The following PDE10A variants were observed in gnomAD, a reference collection of about 807,000 sequenced individuals.
PDE10A encodes the protein cAMP and cAMP-inhibited cGMP 3',5'-cyclic phosphodiesterase 10A.
In PDE10A, 39 loss-of-function variants were observed where a neutral mutation model predicts 97.7. The observed-to-expected ratio is 0.40, with a 90% CI of 0.31 to 0.52. The LOEUF is 0.52. Ranked by LOEUF, PDE10A falls within the 20% of genes least tolerant of loss-of-function variation. The pLI is 0.56. For missense variants in PDE10A, 731 were observed against 1,047.8 expected, an observed-to-expected ratio of 0.70 and a Z score of 4.17; for synonymous variants, 371 against 376.8, an observed-to-expected ratio of 0.98 and a Z score of 0.18.
intron 14 of PDE10A, 111 bp downstream of exon 14, chr6:165,396,206 A>G: frequency 2.1e-6 from 2 of 931,714 alleles, no homozygotes; most frequent in Non-Finnish European, 3.2e-6. Flanking sequence ...ATGAAACTCC[A>G]CATGTAATAT....
chr6:165,721,037 C>T (rs548937886), intron 1 of PDE10A, among the ~76,000 whole-genome samples: 8 of 152,294 alleles, frequency 5.3e-5, no homozygotes, highest in African/African-American at 1.9e-4. Flanking sequence ...AAGAATGTTA[C>T]ACGGAACAGT....
At chr6:165,750,890 C>T (rs1240958119) in intron 1 of PDE10A, among the ~76,000 whole-genome samples, 1 of 152,208 alleles carries the variant, frequency 6.6e-6, no homozygotes, top group Non-Finnish European at 1.5e-5. Context: ...TCAGGACACA[C>T]AGCATGTCTG....
At chr6:165,915,113 T>G (rs1341393822) in intron 1 of PDE10A, among the ~76,000 whole-genome samples, 7 of 152,156 alleles carry the variant, frequency 4.6e-5, no homozygotes, top group Non-Finnish European at 1.5e-5. Flanking sequence ...CTTGCAAATG[T>G]GCAATTAGAG....
At chr6:165,409,164 CAAAAAAA>C (rs61455081) in intron 13 of PDE10A, among the ~76,000 whole-genome samples, 5 of 108,138 alleles carry the variant, frequency 4.6e-5, no homozygotes, top group African/African-American at 7.2e-5. Flanking sequence ...GACTCCATCT[CAAAAAAA>C]AAAAAAAAAA....
intron 1 of PDE10A, among the ~76,000 whole-genome samples, chr6:165,619,470 T>TACTGTAGTGTAGTGCAGTGGTCTAGTGC (rs1787980398): frequency 7.7e-6 from 1 of 129,208 alleles, no homozygotes. Flanking sequence ...TAGTCTAGTG[T>TACTGTAGTGTAGTGCAGTGGTCTAGTGC]AGTGTAGTCT....
chr6:165,922,053 A>C (rs1205242545), intron 1 of PDE10A, among the ~76,000 whole-genome samples: 1 of 152,180 alleles, frequency 6.6e-6, no homozygotes, highest in Non-Finnish European at 1.5e-5. Context: ...TTCTAGACAT[A>C]TCTTGAAGAT....
intron 1 of PDE10A, among the ~76,000 whole-genome samples, chr6:165,709,245 C>T (rs539772307): frequency 1.4e-5 from 2 of 139,332 alleles, no homozygotes; most frequent in South Asian, 2.5e-4. Flanking sequence ...CCCGTGCTCT[C>T]TCCCCACTCT....
chr6:165,495,716 T>C (rs941020343), intron 2 of PDE10A, among the ~76,000 whole-genome samples: 3 of 152,162 alleles, frequency 2.0e-5, no homozygotes, highest in African/African-American at 4.8e-5. Flanking sequence ...ATCTACAATA[T>C]ATAAGACTCT....
chr6:165,578,558 A>G (rs1042988931), intron 1 of PDE10A, among the ~76,000 whole-genome samples: 2 of 152,104 alleles, frequency 1.3e-5, no homozygotes, highest in African/African-American at 4.8e-5. Flanking sequence ...GGCCCCAAAC[A>G]ACCTTCATCT....
chr6:165,933,036 C>A (rs1783191177), intron 1 of PDE10A, among the ~76,000 whole-genome samples: 2 of 152,130 alleles, frequency 1.3e-5, no homozygotes, highest in South Asian at 2.1e-4. Context: ...GGGAGGCTAC[C>A]AGAGATGACA....
chr6:165,688,128 A>G (rs1009623099), intron 1 of PDE10A, among the ~76,000 whole-genome samples: 3 of 152,226 alleles, frequency 2.0e-5, no homozygotes, highest in Non-Finnish European at 4.4e-5. Context: ...TTCCTATGGT[A>G]AAAGGGAGAA....
intron 2 of PDE10A, among the ~76,000 whole-genome samples, chr6:165,483,647 T>G (rs1779730781): frequency 6.6e-6 from 1 of 152,238 alleles, no homozygotes; most frequent in Admixed American, 6.5e-5. Context: ...AAATATTTAA[T>G]GAGAATGTTT....
chr6:165,475,137 T>C (rs761161130), intron 3 of PDE10A, among the ~76,000 whole-genome samples: 34 of 152,044 alleles, frequency 2.2e-4, no homozygotes, highest in Non-Finnish European at 3.7e-4. Context: ...ATTCTCAAAC[T>C]CCTCTGAAAG....
chr6:165,514,959 C>T lies in PDE10A; in HGVS notation c.994+28481G>A, dbSNP rs1413747827. ...TGGGGAGAGGATTTCCTGTTGTCTC[C>T]TCTTAGCTTTAGCTAGAAATCCTTT... On this transcript the variant is annotated intron_variant, in intron 2 of 21. Coordinates refer to ENST00000539869, the MANE Select transcript of PDE10A (RefSeq NM_001385079.1). Among the ~76,000 whole-genome samples, 56 of 152,142 alleles carry T rather than the reference C, an allele frequency of 3.7e-4. 2 individuals are homozygous for T. The highest frequency in any genetic ancestry group is 1.5e-4 in the Non-Finnish European group (10 of 68,032).
chr6:165,981,530 G>T (rs1290985013), intron 1 of PDE10A, among the ~76,000 whole-genome samples: 1 of 152,150 alleles, frequency 6.6e-6, no homozygotes, highest in Non-Finnish European at 1.5e-5. Context: ...AAAGGCAGGG[G>T]CAGGTCCAAA....
At chr6:165,408,685 T>C (rs1175483151) in intron 13 of PDE10A, among the ~76,000 whole-genome samples, 1 of 152,150 alleles carries the variant, frequency 6.6e-6, no homozygotes, top group East Asian at 1.9e-4. Flanking sequence ...CTGGTCTTTC[T>C]GAATTGGAAC....
At chr6:165,347,864 AAC>A (rs879357709) in intron 18 of PDE10A, among the ~76,000 whole-genome samples, 1 of 152,238 alleles carries the variant, frequency 6.6e-6, no homozygotes, top group Non-Finnish European at 1.5e-5. Context: ...AAAAACAGGT[AAC>A]ACATCACATA....
intron 1 of PDE10A, among the ~76,000 whole-genome samples, chr6:165,565,002 T>C (rs1784706169): frequency 6.6e-6 from 1 of 152,094 alleles, no homozygotes; most frequent in Non-Finnish European, 1.5e-5. Context: ...AAAGATGCAA[T>C]TTAGATACAA....
At position 165,335,134 on chromosome 6, in the gene PDE10A, T is replaced by C. The variant is rs545825148; in HGVS notation, c.3065+989A>G. On this transcript the variant is annotated intron_variant, in intron 21 of 21. Coordinates refer to ENST00000539869, the MANE Select transcript of PDE10A (RefSeq NM_001385079.1). The stretch of plus-strand genomic sequence containing the variant: ...ATTTATAAAGTAAAATGAAAATCTT[T>C]AAAAATATCCAAGGTTCTTAACCGA... Among the ~76,000 whole-genome samples, 14 of 152,330 alleles carry C rather than the reference T, an allele frequency of 9.2e-5. No individual in the cohort carries two copies. In the East Asian group the frequency reaches 2.7e-3, roughly 29 times the overall value.
Sources: gnomAD v4.1 joint callset for allele counts (sites outside exome capture counted in the v4.1 genomes callset) on GRCh38, gnomAD v4.1.1 for gene constraint, MANE v1.5 for transcripts, NCBI Gene and HGNC (gene_info 2026-07-23, HGNC 2026-07-21) for gene names.